The following CHST11 variants were observed in gnomAD, a reference collection of about 807,000 sequenced individuals.
CHST11 encodes the protein carbohydrate sulfotransferase 11, also known as C4S-1.
A neutral mutation model predicts 30.4 loss-of-function variants in CHST11; 9 were observed. That is an observed-to-expected ratio of 0.30 (90% CI 0.18 to 0.52). The LOEUF is 0.52. CHST11 is among the 20% of genes least tolerant of loss of function. CHST11 has a pLI of 0.97. For missense variants in CHST11, 348 were observed against 460.6 expected, an observed-to-expected ratio of 0.76 and a Z score of 2.24; for synonymous variants, 152 against 187.8, an observed-to-expected ratio of 0.81 and a Z score of 1.56.
At chr12:104,680,015 C>T (rs960278423) in intron 2 of CHST11, among the ~76,000 whole-genome samples, 3 of 152,202 alleles carry the variant, frequency 2.0e-5, no homozygotes, top group African/African-American at 7.2e-5. Flanking sequence ...AACTGGTCTG[C>T]TTTCTTTAGA....
chr12:104,712,827 G>C (rs1457097330), intron 2 of CHST11, among the ~76,000 whole-genome samples: 3 of 152,040 alleles, frequency 2.0e-5, no homozygotes, highest in African/African-American at 7.3e-5. Flanking sequence ...CAATTTATGG[G>C]GTGATGCCAG....
intron 2 of CHST11, among the ~76,000 whole-genome samples, chr12:104,690,127 T>C (rs1344625002): frequency 2.0e-5 from 3 of 152,212 alleles, no homozygotes; most frequent in Admixed American, 1.3e-4. Flanking sequence ...AGGAAATCAA[T>C]TGAGCAGAGA....
intron 2 of CHST11, among the ~76,000 whole-genome samples, chr12:104,711,015 T>A (rs541877954): frequency 6.6e-6 from 1 of 152,218 alleles, no homozygotes; most frequent in East Asian, 1.9e-4. Context: ...GAGCATCTAG[T>A]ATATTTTGAT....
intron 2 of CHST11, among the ~76,000 whole-genome samples, chr12:104,643,147 G>A (rs141484442): frequency 5.3e-5 from 8 of 151,806 alleles, no homozygotes; most frequent in Non-Finnish European, 1.0e-4. Context: ...AACATAGTGA[G>A]ACCCCTGTCT....
At chr12:104,738,204 T>C (rs1009060115) in intron 2 of CHST11, among the ~76,000 whole-genome samples, 1 of 152,144 alleles carries the variant, frequency 6.6e-6, no homozygotes, top group Admixed American at 6.5e-5. Flanking sequence ...CGGCCTGCCC[T>C]GTCATTTTGG....
intron 1 of CHST11, among the ~76,000 whole-genome samples, chr12:104,592,818 A>T (rs921696673): frequency 3.9e-5 from 6 of 152,154 alleles, no homozygotes; most frequent in Non-Finnish European, 5.9e-5. Flanking sequence ...CAGGGATCTT[A>T]TACTTTCGGA....
At chr12:104,573,711 A>G (rs1007322555) in intron 1 of CHST11, among the ~76,000 whole-genome samples, 3 of 152,234 alleles carry the variant, frequency 2.0e-5, no homozygotes, top group African/African-American at 4.8e-5. Context: ...AAATTAATTC[A>G]AGATGGATTA....
At chr12:104,742,561 C>T (rs184589481) in intron 2 of CHST11, among the ~76,000 whole-genome samples, 95 of 152,344 alleles carry the variant, frequency 6.2e-4, no homozygotes, top group African/African-American at 2.2e-3. Flanking sequence ...GTTCCTGTTC[C>T]GGGCCACCAT....
intron 2 of CHST11, among the ~76,000 whole-genome samples, chr12:104,750,537 G>T (rs1215364284): frequency 6.9e-6 from 1 of 144,950 alleles, no homozygotes; most frequent in East Asian, 2.0e-4. Flanking sequence ...TGCCTCCCGG[G>T]TTCAAGTGAT....
At chr12:104,533,065 C>T (rs753906846) in intron 1 of CHST11, among the ~76,000 whole-genome samples, 13 of 152,200 alleles carry the variant, frequency 8.5e-5, no homozygotes, top group Admixed American at 7.2e-4. Flanking sequence ...CACGCACCAC[C>T]ATGTCTTGCT....
intron 2 of CHST11, among the ~76,000 whole-genome samples, chr12:104,603,931 C>T (rs1445997121): frequency 6.6e-6 from 1 of 152,180 alleles, no homozygotes; most frequent in Non-Finnish European, 1.5e-5. Context: ...TGGGTTCATT[C>T]ACTCCTTTTT....
intron 2 of CHST11, among the ~76,000 whole-genome samples, chr12:104,715,555 A>T (rs542668327): frequency 6.6e-6 from 1 of 152,328 alleles, no homozygotes; most frequent in Admixed American, 6.5e-5. Context: ...ATAAGTCCTC[A>T]CTTTATAGAT....
rs774673648 is a variant in CHST11, at chr12:104,457,379, G to A, written c.-33G>A. On this transcript the variant is annotated 5_prime_UTR_variant, in exon 1 of 3. Coordinates refer to ENST00000303694, the MANE Select transcript of CHST11 (RefSeq NM_018413.6). ...CTCCTGCGCCCCGGGCGCGCTTCCC[G>A]GACACCCCGGTCCCCGCAGCCAGGA... 1.9e-6 allele frequency: 3 copies of A among 1,554,516 alleles called. No individual in the cohort carries two copies. Among genetic ancestry groups the A allele is most frequent in the Non-Finnish European group, 2.7e-6 (3 of 1,129,100 alleles).
chr12:104,620,857 A>C (rs2039152732), intron 2 of CHST11, among the ~76,000 whole-genome samples: 1 of 152,224 alleles, frequency 6.6e-6, no homozygotes, highest in South Asian at 2.1e-4. Flanking sequence ...TAGGAGAATG[A>C]CAGTCAATTG....
intron 1 of CHST11, among the ~76,000 whole-genome samples, chr12:104,561,793 ATT>A (rs60344528): frequency 0.33 from 46,866 of 141,730 alleles, 7,742 homozygotes; most frequent in African/African-American, 0.45. Flanking sequence ...TATTAGGTCC[ATT>A]TTTTTTTTTT....
intron 2 of CHST11, among the ~76,000 whole-genome samples, chr12:104,640,395 A>T (rs2039364697): frequency 6.6e-6 from 1 of 152,220 alleles, no homozygotes; most frequent in Non-Finnish European, 1.5e-5. Context: ...ATTATTCAGC[A>T]ATCAGAAATA....
intron 1 of CHST11, among the ~76,000 whole-genome samples, chr12:104,589,677 A>G (rs1592781002): frequency 6.6e-6 from 1 of 152,216 alleles, no homozygotes; most frequent in Non-Finnish European, 1.5e-5. Context: ...AACTTATTCA[A>G]GGGTTCTGGT....
rs540162709 is a variant in CHST11, at chr12:104,673,300, G to A, written c.204+71309G>A. On this transcript the variant is annotated intron_variant, in intron 2 of 2. Transcript: ENST00000303694. ...GGATGTGGACCTATCTTTTGGGGAG[G>A]TACCATTCAGCCTACTGTACCTGTT... is the stretch of plus-strand genomic sequence containing the variant. Among the ~76,000 whole-genome samples, 21 of 152,260 alleles carry A rather than the reference G, an allele frequency of 1.4e-4. No individual in the cohort carries two copies. The South Asian group carries it at 4.1e-3, about 30-fold the overall frequency.
chr12:104,714,256 G>T (rs2040111328), intron 2 of CHST11, among the ~76,000 whole-genome samples: 1 of 152,210 alleles, frequency 6.6e-6, no homozygotes, highest in African/African-American at 2.4e-5. Context: ...TTTGGCTGGG[G>T]AGTGCTTCCT....
Sources: gnomAD v4.1 joint callset for allele counts (sites outside exome capture counted in the v4.1 genomes callset) on GRCh38, gnomAD v4.1.1 for gene constraint, MANE v1.5 for transcripts, NCBI Gene and HGNC (gene_info 2026-07-23, HGNC 2026-07-21) for gene names.